Variants in RMDN1 observed in about 807,000 individuals in gnomAD.
The protein encoded by RMDN1 is regulator of microtubule dynamics 1.
Under a neutral mutation model 48.9 loss-of-function variants are expected in RMDN1, and 48 were observed. The observed-to-expected ratio is 0.98, with a 90% CI of 0.78 to 1.25. RMDN1 has a LOEUF of 1.25. Among genes scored for constraint, RMDN1 ranks in the 50% most tolerant of loss-of-function variants. The pLI is 0.00. For missense variants in RMDN1, 418 were observed against 373.4 expected (o/e 1.12, Z -0.98); for synonymous variants, 148 against 132.6 (o/e 1.12, Z -0.80).
chr8:86,505,160 ATGC>A, intron 2 of RMDN1: 1 of 1,155,554 alleles, frequency 8.7e-7, no homozygotes, highest in South Asian at 1.4e-5. Flanking sequence ...CTGCTTCTGA[ATGC>A]TGCTACTTGA....
Position 86,508,629 on chromosome 8 carries a change from A to G in RMDN1, c.-9T>C. ...CGAGCAGCCAGCGCCATGACCTGCA[A>G]CTTGCGGGCTGACCCTGCACTACTT... is the stretch of plus-strand genomic sequence containing the variant. On this transcript the variant is annotated 5_prime_UTR_variant, in exon 1 of 10. Coordinates refer to ENST00000406452, the MANE Select transcript of RMDN1 (RefSeq NM_016033.3). The G allele has an allele frequency of 1.9e-6, 3 of 1,597,768 alleles. No homozygotes were observed. The highest frequency in any genetic ancestry group is 2.3e-5 in the East Asian group (1 of 44,088).
At chr8:86,509,536 G>A (rs1194294193), upstream of RMDN1, among the ~76,000 whole-genome samples, 1 of 152,038 alleles carries the variant, frequency 6.6e-6, no homozygotes, top group Non-Finnish European at 1.5e-5. Flanking sequence ...TAAGGGAGGC[G>A]AGTCATGGTT....
chr8:86,481,717 C>G, intron 5 of RMDN1: 1 of 615,462 alleles, frequency 1.6e-6, no homozygotes, highest in Non-Finnish European at 2.6e-6. Flanking sequence ...TCTGTCAGGC[C>G]AAGAAGGTTC....
downstream of RMDN1, among the ~76,000 whole-genome samples, chr8:86,471,453 A>G (rs565087883): frequency 2.0e-5 from 3 of 152,280 alleles, no homozygotes; most frequent in African/African-American, 4.8e-5. Flanking sequence ...CTTTAACACA[A>G]TATGCTAATA....
intron 2 of RMDN1, among the ~76,000 whole-genome samples, chr8:86,503,390 C>CAAAAACAAAACAAAACA (rs1563656802): frequency 8.8e-5 from 5 of 56,586 alleles, no homozygotes; most frequent in Admixed American, 2.3e-4. Context: ...AAAAAAAAAA[C>CAAAAACAAAACAAAACA]AAAAAAAAAT....
At chr8:86,503,870 A>G (rs1818824583) in intron 2 of RMDN1, 1 of 639,372 alleles carries the variant, frequency 1.6e-6, no homozygotes, top group African/African-American at 1.8e-5. Context: ...CTTATCGTCA[A>G]CCTGTTGGCT....
downstream of RMDN1, chr8:86,470,502 A>T (rs1812451800): frequency 8.4e-6 from 9 of 1,076,290 alleles, no homozygotes; most frequent in Non-Finnish European, 1.1e-5. Flanking sequence ...CTCAGAGAGT[A>T]AAGGGGAAAA....
In RMDN1 at chr8:86,473,224, T is replaced by G. The variant is rs1296143223; in HGVS notation, c.*1084A>C. On this transcript the variant is annotated 3_prime_UTR_variant, in exon 10 of 10. Transcript: ENST00000406452. ...TGTAACATTACAATTCCCAAATCCT[T>G]TGGGAAAAATCCACCTACACACACA... 2 of 952,788 alleles carry G rather than the reference T, an allele frequency of 2.1e-6. No individual in the cohort carries two copies. The highest frequency in any genetic ancestry group is 3.2e-5 in the African/African-American group (1 of 30,998). 59.0% of individuals were successfully genotyped at this position (952,788 alleles called of 1,614,324 possible).
intron 2 of RMDN1, among the ~76,000 whole-genome samples, chr8:86,498,897 C>A (rs183104634): frequency 6.6e-6 from 1 of 152,204 alleles, no homozygotes; most frequent in East Asian, 1.9e-4. Flanking sequence ...TCTTGAGATG[C>A]AAGGTTGGTT....
rs191026263 is a variant in RMDN1 at position 86,473,493 on chromosome 8, C to T, written c.*815G>A. 395 of 984,620 alleles carry T rather than the reference C, an allele frequency of 4.0e-4. 3 individuals are homozygous for T. In the African/African-American group the frequency reaches 5.9e-3, roughly 15 times the overall value. 61.0% of individuals were successfully genotyped at this position (984,620 alleles called of 1,614,324 possible). A position where few individuals can be genotyped will look rare whatever the true frequency, so the allele number is the denominator to read the frequency against. The stretch of plus-strand genomic sequence containing the variant: ...ACATTTAAAGTAAACTGGCCAGGTG[C>T]GGTGGCTCACGCCTGTAATCCCAGC... On this transcript the variant is annotated 3_prime_UTR_variant, in exon 10 of 10. Transcript: ENST00000406452.
chr8:86,488,750 T>C, intron 2 of RMDN1, 111 bp from the exon 3 acceptor site: 2 of 592,868 alleles, frequency 3.4e-6, no homozygotes, highest in Non-Finnish European at 5.6e-6. Context: ...TGAAATTAGA[T>C]ACAGAAATGA....
chr8:86,511,720 C>T (rs1820052558), upstream of RMDN1, among the ~76,000 whole-genome samples: 1 of 150,852 alleles, frequency 6.6e-6, no homozygotes, highest in Non-Finnish European at 1.5e-5. Context: ...GTGGGAGGAT[C>T]GCCTCAGGCT....
At chr8:86,514,193 A>T in intron 1 of RMDN1, 1 of 917,108 alleles carries the variant, frequency 1.1e-6, no homozygotes, top group Non-Finnish European at 1.3e-6. Context: ...TCAAATATTT[A>T]AATTATTTAA....
At position 86,474,028 on chromosome 8, in the gene RMDN1, A is replaced by G; in HGVS notation, c.*280T>C. The G allele has an allele frequency of 1.0e-5, 12 of 1,143,042 alleles. No homozygotes were observed. The highest frequency in any genetic ancestry group is 1.1e-5 in the Non-Finnish European group (10 of 929,242). The allele number at this position is 1,143,042 out of a possible 1,614,324, so 70.8% of individuals were successfully genotyped here. On this transcript the variant is annotated 3_prime_UTR_variant, in exon 10 of 10. Transcript: ENST00000406452. The stretch of plus-strand genomic sequence containing the variant: ...TTGCTTGATCTCCCATCCCAATGTG[A>G]TCAATCCTTAGAAATCTCATACCAT...
upstream of RMDN1, chr8:86,508,728 T>TGCACAGCACCTCTTCCGCCTCCA: frequency 2.8e-6 from 4 of 1,408,714 alleles, no homozygotes; most frequent in Non-Finnish European, 3.7e-6. Flanking sequence ...GCCCGCCTCC[T>TGCACAGCACCTCTTCCGCCTCCA]GCACAGCACC....
At chr8:86,485,978 G>A (rs187817179) in intron 4 of RMDN1, among the ~76,000 whole-genome samples, 2 of 152,120 alleles carry the variant, frequency 1.3e-5, no homozygotes, top group Non-Finnish European at 2.9e-5. Context: ...TGACCACCTC[G>A]TCTCCCCGTA....
chr8:86,471,407 T>G (rs2130293362), downstream of RMDN1, among the ~76,000 whole-genome samples: 1 of 152,036 alleles, frequency 6.6e-6, no homozygotes, highest in East Asian at 1.9e-4. Context: ...AAAGTCACTC[T>G]AAAGAGAAAT....
At chr8:86,471,804 A>T (rs1812599787), downstream of RMDN1, among the ~76,000 whole-genome samples, 1 of 152,236 alleles carries the variant, frequency 6.6e-6, no homozygotes, top group African/African-American at 2.4e-5. Context: ...GCGGTTCTCA[A>T]AGTGTGGTCA....
At chr8:86,480,508 CTA>C (rs998798187) in intron 5 of RMDN1, among the ~76,000 whole-genome samples, 176 bp from the exon 6 acceptor site, 147 of 152,108 alleles carry the variant, frequency 9.7e-4, no homozygotes, top group African/African-American at 3.3e-3. Context: ...TTTCAAAACA[CTA>C]TTAATGACTT....
Sources: gnomAD v4.1 joint callset for allele counts (sites outside exome capture counted in the v4.1 genomes callset) on GRCh38, gnomAD v4.1.1 for gene constraint, MANE v1.5 for transcripts, NCBI Gene and HGNC (gene_info 2026-07-23, HGNC 2026-07-21) for gene names.